Variants in DNAAF9 observed in about 807,000 individuals in gnomAD.
DNAAF9 encodes the protein shulin.
DNAAF9 carries 90 observed loss-of-function variants against 167.0 expected under a neutral mutation model. That is an observed-to-expected ratio of 0.54 (90% CI 0.45 to 0.64). The LOEUF (loss-of-function observed/expected upper bound fraction) is 0.64. Among genes scored for constraint, DNAAF9 ranks in the 30% least tolerant of loss-of-function variants. The pLI, the probability that DNAAF9 is intolerant of heterozygous loss-of-function variation, is 0.00. For synonymous variants in DNAAF9, 491 were observed against 508.8 expected (o/e 0.96, Z 0.47); for missense variants, 1,315 against 1,442.2 (o/e 0.91, Z 1.43).
chr20:3,269,429 G>T (rs187554520), intron 30 of DNAAF9, among the ~76,000 whole-genome samples: 4 of 152,094 alleles, frequency 2.6e-5, no homozygotes, highest in Admixed American at 2.6e-4. Flanking sequence ...ACCCAGGCTG[G>T]TCTTGAACTC....
At chr20:3,283,706 C>T (rs992009276) in intron 27 of DNAAF9, among the ~76,000 whole-genome samples, 3 of 152,194 alleles carry the variant, frequency 2.0e-5, no homozygotes, top group Admixed American at 6.5e-5. Flanking sequence ...TTAACTCTTA[C>T]AGTTAATGTG....
At chr20:3,293,042 T>A (rs902488533) in intron 25 of DNAAF9, among the ~76,000 whole-genome samples, 2 of 149,556 alleles carry the variant, frequency 1.3e-5, no homozygotes, top group African/African-American at 4.9e-5. Flanking sequence ...GCCAAGATTG[T>A]GCCATTGCAC....
chr20:3,332,444 T>C, intron 10 of DNAAF9, 83 bp from the exon 11 acceptor site: 1 of 697,424 alleles, frequency 1.4e-6, no homozygotes, highest in Admixed American at 2.6e-5. Flanking sequence ...ATAGAGTCAA[T>C]GGAAATAAAT....
At chr20:3,325,564 A>G (rs1038976218) in intron 13 of DNAAF9, among the ~76,000 whole-genome samples, 4 of 152,198 alleles carry the variant, frequency 2.6e-5, no homozygotes, top group East Asian at 3.9e-4. Context: ...AGTCTCTCTG[A>G]TATCTACATC....
At chr20:3,403,009 A>C (rs1445219603) in intron 1 of DNAAF9, among the ~76,000 whole-genome samples, 1 of 152,184 alleles carries the variant, frequency 6.6e-6, no homozygotes, top group African/African-American at 2.4e-5. Context: ...TCATGTCTTC[A>C]AACAATAACT....
chr20:3,321,737 T>TA (rs200398364), intron 16 of DNAAF9, among the ~76,000 whole-genome samples: 3 of 151,898 alleles, frequency 2.0e-5, no homozygotes, highest in Non-Finnish European at 4.4e-5. Context: ...CCTGCCTAAT[T>TA]AAAAAAATTT....
chr20:3,256,140 C>T lies in DNAAF9; in HGVS notation c.3127G>A (p.Gly1043Arg). 6.2e-7 allele frequency: 1 copy of T among 1,614,184 alleles called. No homozygotes were observed. Among genetic ancestry groups the T allele is most frequent in the Middle Eastern group, 1.7e-4 (1 of 6,060 alleles). ...NSLSIMPVLE[G>R]PTPPPDSKSV... ...TTGGAGTCTGGTGGTGGTGTGGGTC[C>T]TTCCAAAACTGGCATGATGCTCAAG... Residue 1043 changes from glycine (G) to arginine (R), a missense_variant, in exon 34 of 37, where the codon GGA becomes AGA. Gly to Arg is a moderately radical substitution (Grantham distance 125). Around this residue, in one of 2 missense-constraint regions of DNAAF9, gnomAD observed 334 missense variants for 429.7 expected, o/e 0.78. Coordinates refer to ENST00000252032, the MANE Select transcript of DNAAF9 (RefSeq NM_001009984.3).
chr20:3,378,252 T>C (rs1240902192), intron 3 of DNAAF9, among the ~76,000 whole-genome samples: 1 of 152,206 alleles, frequency 6.6e-6, no homozygotes, highest in Non-Finnish European at 1.5e-5. Context: ...CATCAGTGTC[T>C]AAAGCTCTCA....
At chr20:3,347,857 G>A (rs2070227333) in intron 8 of DNAAF9, among the ~76,000 whole-genome samples, 1 of 151,974 alleles carries the variant, frequency 6.6e-6, no homozygotes, top group South Asian at 2.1e-4. Flanking sequence ...TGGAGGAAGA[G>A]GTTGCAGTGC....
intron 3 of DNAAF9, 103 bp downstream of exon 3, chr20:3,381,276 G>A: frequency 1.1e-6 from 1 of 948,504 alleles, no homozygotes; most frequent in East Asian, 2.7e-5. Flanking sequence ...CTGGGGCTTT[G>A]GACTATTTTA....
In DNAAF9 at chr20:3,315,726, GCTGCTTACCCTCA is replaced by G; in HGVS notation, c.1586_1590+8del. The G allele has an allele frequency of 6.2e-7, 1 of 1,604,172 alleles. No individual in the cohort carries two copies. The highest frequency in any genetic ancestry group is 8.5e-7 in the Non-Finnish European group (1 of 1,170,968). On this transcript the variant is annotated splice_donor_variant and splice_donor_5th_base_variant and coding_sequence_variant and intron_variant, in exon 19 of 37. Coordinates refer to ENST00000252032, the MANE Select transcript of DNAAF9 (RefSeq NM_001009984.3). LOFTEE classifies it high-confidence loss of function. The surrounding 1 kb of genome is among the most constrained non-coding windows in gnomAD (Gnocchi z 4.1). ...TAATGTTCACACTGAGAATAAGAAG[GCTGCTTACCCTCA>G]CTGCTTGCTGGGTTTTCTCAGACAA... is the stretch of plus-strand genomic sequence containing the variant.
intron 14 of DNAAF9, 124 bp downstream of exon 14, chr20:3,324,768 C>T (rs1238746523): frequency 4.5e-6 from 3 of 660,548 alleles, no homozygotes; most frequent in Non-Finnish European, 8.1e-6. Flanking sequence ...TTCTCCTTCA[C>T]ACATCCCATT....
intron 6 of DNAAF9, among the ~76,000 whole-genome samples, chr20:3,362,824 G>A (rs1280871679): frequency 1.3e-5 from 2 of 152,068 alleles, no homozygotes; most frequent in African/African-American, 4.8e-5. Flanking sequence ...CACATTCTTT[G>A]ACATCATCCT....
intron 28 of DNAAF9, among the ~76,000 whole-genome samples, chr20:3,280,861 C>A (rs2068753439): frequency 6.6e-6 from 1 of 152,068 alleles, no homozygotes; most frequent in African/African-American, 2.4e-5. Flanking sequence ...CATCCTCCAA[C>A]CTTCCATCTT....
chr20:3,336,264 T>TTG (rs1418557100), intron 10 of DNAAF9, among the ~76,000 whole-genome samples: 2 of 137,996 alleles, frequency 1.4e-5, no homozygotes, highest in East Asian at 2.0e-4. Context: ...TTTTGTTTTT[T>TTG]TTTTTTTTTT....
chr20:3,296,242 C>A, intron 23 of DNAAF9: 1 of 480,660 alleles, frequency 2.1e-6, no homozygotes, highest in South Asian at 1.6e-5. Context: ...GCACTCTACC[C>A]GGGGTGACAG....
At chr20:3,300,149 C>A (rs560962948) in intron 21 of DNAAF9, among the ~76,000 whole-genome samples, 1 of 152,094 alleles carries the variant, frequency 6.6e-6, no homozygotes, top group African/African-American at 2.4e-5. Flanking sequence ...GTGATCTGCC[C>A]GCTTCAGCCT....
chr20:3,362,316 G>A (rs1289681479), intron 6 of DNAAF9: 3 of 899,002 alleles, frequency 3.3e-6, no homozygotes, highest in Non-Finnish European at 5.3e-6. Context: ...AGCCTGTGGT[G>A]GCTGCCATCT....
At chr20:3,349,210 A>C (rs1428171248) in intron 7 of DNAAF9, among the ~76,000 whole-genome samples, 2 of 150,398 alleles carry the variant, frequency 1.3e-5, no homozygotes, top group Non-Finnish European at 3.0e-5. Context: ...AAAACAAAAA[A>C]AAAAAAAACA....
Sources: allele counts gnomAD v4.1 joint callset (sites outside exome capture counted in the v4.1 genomes callset), GRCh38; gene constraint gnomAD v4.1.1; regional missense constraint gnomAD v4.1.1; non-coding constraint Gnocchi (gnomAD v3.1); transcripts MANE v1.5; gene names NCBI Gene and HGNC (gene_info 2026-07-23, HGNC 2026-07-21).